RALGAPA2: variants seen among roughly 807,000 people sequenced by gnomAD.
RALGAPA2 encodes Ral GTPase activating protein catalytic subunit alpha 2.
A neutral mutation model predicts 230.4 loss-of-function variants in RALGAPA2; 139 were observed. The observed-to-expected ratio is 0.60, with a 90% CI of 0.53 to 0.69. RALGAPA2 has a LOEUF of 0.69. RALGAPA2 is among the 30% of genes least tolerant of loss of function. The pLI, the probability that RALGAPA2 is intolerant of heterozygous loss-of-function variation, is 0.00. For missense variants in RALGAPA2, 2,163 were observed against 2,276.0 expected (o/e 0.95, Z 1.01); for synonymous variants, 847 against 837.8 (o/e 1.01, Z -0.19).
intron 37 of RALGAPA2, among the ~76,000 whole-genome samples, chr20:20,434,687 G>T (rs922906443): frequency 1.3e-5 from 2 of 152,144 alleles, no homozygotes; most frequent in African/African-American, 4.8e-5. Flanking sequence ...TGTAATCCCA[G>T]CACTTTAGGA....
intron 39 of RALGAPA2, among the ~76,000 whole-genome samples, chr20:20,396,266 A>G (rs534910794): frequency 1.8e-4 from 27 of 152,338 alleles, no homozygotes; most frequent in African/African-American, 5.8e-4. Flanking sequence ...CCCCGCATGG[A>G]GGTCTCAGAG....
At chr20:20,687,732 T>C (rs2068757341) in intron 1 of RALGAPA2, among the ~76,000 whole-genome samples, 2 of 152,082 alleles carry the variant, frequency 1.3e-5, no homozygotes, top group African/African-American at 2.4e-5. Context: ...ATTATAGAAA[T>C]GGTGGTGCAG....
Position 20,536,762 on chromosome 20 carries a change from G to A in RALGAPA2, c.3308C>T (p.Thr1103Ile). The change falls in exon 25 of 40, where the codon ACT (threonine) becomes ATT (isoleucine). Residue 1103 changes from threonine to isoleucine, a missense_variant. By Grantham distance (89) the Thr-to-Ile change is moderately conservative (BLOSUM62 -1). Coordinates refer to ENST00000202677, the MANE Select transcript of RALGAPA2 (RefSeq NM_020343.4). ...ILTAPRSEAV[T>I]VLGSLVCFPN... ...AAAGCAGACCAGAGAGCCGAGGACA[G>A]TGACAGCCTCTGAACGAGGCGCCTG... 8.1e-6 allele frequency: 13 copies of A among 1,612,684 alleles called. No individual in the cohort carries two copies. Among genetic ancestry groups the A allele is most frequent in the Non-Finnish European group, 1.1e-5 (13 of 1,178,924 alleles).
intron 36 of RALGAPA2, among the ~76,000 whole-genome samples, chr20:20,476,234 G>A (rs556467246): frequency 6.6e-6 from 1 of 152,138 alleles, no homozygotes; most frequent in East Asian, 1.9e-4. Context: ...ATACTTCTAA[G>A]TTCATAAGGA....
intron 32 of RALGAPA2, among the ~76,000 whole-genome samples, chr20:20,511,959 G>A (rs867770043): frequency 2.0e-5 from 3 of 152,144 alleles, no homozygotes; most frequent in Admixed American, 6.5e-5. Flanking sequence ...GGGAGGCCAA[G>A]GAGGGTAAAT....
chr20:20,465,641 T>C (rs1222601135), intron 37 of RALGAPA2, among the ~76,000 whole-genome samples: 3 of 152,152 alleles, frequency 2.0e-5, no homozygotes, highest in African/African-American at 7.2e-5. Flanking sequence ...GTCTTTTTTC[T>C]AACAGTGAGA....
In RALGAPA2 at chr20:20,415,697, G is replaced by A. The variant is rs573256445; in HGVS notation, c.5496-3549C>T. ...AGCCCAAGAGTTTGAGTCCAGCCTG[G>A]GCAACATAGCAAGATTCTGTCTCTA... On this transcript the variant is annotated intron_variant, in intron 37 of 39. Coordinates refer to ENST00000202677, the MANE Select transcript of RALGAPA2 (RefSeq NM_020343.4). Among the ~76,000 whole-genome samples the A allele has an allele frequency of 4.3e-4, 65 of 151,980 alleles. 1 individual carries two copies. The highest frequency in any genetic ancestry group is 1.5e-3 in the African/African-American group (61 of 41,444).
chr20:20,429,490 A>T (rs1310675820), intron 37 of RALGAPA2, among the ~76,000 whole-genome samples: 3 of 152,234 alleles, frequency 2.0e-5, no homozygotes, highest in African/African-American at 7.2e-5. Context: ...TACAATTGTC[A>T]TAAGAAGCTA....
intron 18 of RALGAPA2, among the ~76,000 whole-genome samples, chr20:20,587,619 T>C (rs1259032504): frequency 6.6e-6 from 1 of 152,014 alleles, no homozygotes; most frequent in East Asian, 1.9e-4. Context: ...AAAAATTCCA[T>C]AAAGCCTCAA....
Position 20,457,231 on chromosome 20 carries a change from A to G in RALGAPA2, c.5495+15598T>C, listed in dbSNP as rs565853766. Among the ~76,000 whole-genome samples the G allele has an allele frequency of 1.1e-4, 16 of 152,328 alleles. No individual in the cohort carries two copies. In the South Asian group the frequency reaches 3.1e-3, roughly 30 times the overall value. ...GGGGCTGGCAGTAGAGCCCTCATTT[A>G]CTTTCAGCACAGGGAGAGGTACCAT... On this transcript the variant is annotated intron_variant, in intron 37 of 39. Transcript: ENST00000202677.
At position 20,536,100 on chromosome 20, in the gene RALGAPA2, T is replaced by C. The variant is rs773505218; in HGVS notation, c.3415-297A>G. On this transcript the variant is annotated intron_variant, in intron 25 of 39. Coordinates refer to ENST00000202677, the MANE Select transcript of RALGAPA2 (RefSeq NM_020343.4). ...AAATCTCGGTTTTCTTTTACTTCAA[T>C]TGAATTATATGTTGTACACTGAATT... 6.6e-5 allele frequency among the ~76,000 whole-genome samples: 10 copies of C among 152,340 alleles called. No homozygotes were observed. In the East Asian group the frequency reaches 9.6e-4, roughly 15 times the overall value.
Position 20,643,315 on chromosome 20 carries a change from T to C in RALGAPA2, c.372+191A>G, listed in dbSNP as rs74937240. ...CCCAACCCATTTTCTCCTAATACTA[T>C]TTAAAATGTCTCTCGCAATAAGTTA... On this transcript the variant is annotated intron_variant, in intron 5 of 39. Transcript: ENST00000202677. 6.9e-4 allele frequency among the ~76,000 whole-genome samples: 105 copies of C among 152,300 alleles called. 1 individual carries two copies. The East Asian group carries it at 0.019, about 27-fold the overall frequency.
intron 38 of RALGAPA2, among the ~76,000 whole-genome samples, chr20:20,402,131 G>C (rs759162274): frequency 6.6e-6 from 1 of 152,190 alleles, no homozygotes; most frequent in Non-Finnish European, 1.5e-5. Flanking sequence ...CTAAGTGCTC[G>C]AGCTCTGGTC....
chr20:20,548,359 C>A (rs187134091), intron 23 of RALGAPA2, among the ~76,000 whole-genome samples: 5 of 152,196 alleles, frequency 3.3e-5, no homozygotes, highest in Non-Finnish European at 7.4e-5. Context: ...ACCATTTTTC[C>A]TAAGACTTTT....
intron 37 of RALGAPA2, among the ~76,000 whole-genome samples, chr20:20,420,775 C>T (rs578234095): frequency 3.9e-5 from 6 of 152,130 alleles, no homozygotes; most frequent in East Asian, 1.9e-4. Flanking sequence ...TACCCTGTTT[C>T]GAATGTGTGA....
chr20:20,646,081 G>C (rs541476820), intron 4 of RALGAPA2, among the ~76,000 whole-genome samples: 1 of 151,674 alleles, frequency 6.6e-6, no homozygotes, highest in South Asian at 2.1e-4. Context: ...TTGAGATGGG[G>C]TCTCACTCTG....
At position 20,453,828 on chromosome 20, in the gene RALGAPA2, A is replaced by C. The variant is rs186426548; in HGVS notation, c.5495+19001T>G. On this transcript the variant is annotated intron_variant, in intron 37 of 39. Coordinates refer to ENST00000202677, the MANE Select transcript of RALGAPA2 (RefSeq NM_020343.4). The stretch of plus-strand genomic sequence containing the variant: ...AAATGGCCGATGGGTATTTTGTTGA[A>C]TGAATGAGTACACTAACGAAAAAAA... Among the ~76,000 whole-genome samples the C allele has an allele frequency of 2.6e-5, 4 of 152,376 alleles. No homozygotes were observed. The East Asian group carries it at 7.7e-4, about 29-fold the overall frequency.
chr20:20,601,933 C>T, intron 15 of RALGAPA2, 87 bp from the exon 16 acceptor site: 1 of 1,183,160 alleles, frequency 8.5e-7, no homozygotes, highest in Middle Eastern at 2.8e-4. Context: ...GGTGTACCTA[C>T]AACTATATAT....
chr20:20,500,168 G>A (rs2062331830), intron 35 of RALGAPA2, among the ~76,000 whole-genome samples: 1 of 152,172 alleles, frequency 6.6e-6, no homozygotes, highest in African/African-American at 2.4e-5. Flanking sequence ...ATTGATCAGG[G>A]TGGCAGTTGC....
Sources: allele counts gnomAD v4.1 joint callset (sites outside exome capture counted in the v4.1 genomes callset), GRCh38; gene constraint gnomAD v4.1.1; transcripts MANE v1.5; gene names NCBI Gene and HGNC (gene_info 2026-07-23, HGNC 2026-07-21).